UGT1A3: variants seen among roughly 807,000 people sequenced by gnomAD.
UGT1A3 encodes UDP-glucuronosyltransferase 1A3.
Under a neutral mutation model 41.0 loss-of-function variants are expected in UGT1A3, and 31 were observed. The observed-to-expected ratio is 0.76, with a 90% confidence interval of 0.57 to 1.02. The LOEUF (loss-of-function observed/expected upper bound fraction) is 1.02. Ranked by LOEUF, UGT1A3 falls within the 50% of genes least tolerant of loss-of-function variation. UGT1A3 has a pLI of 0.00. For missense variants in UGT1A3, 737 were observed against 671.0 expected (o/e 1.10, Z -1.09); for synonymous variants, 262 against 257.6 (o/e 1.02, Z -0.17).
intron 1 of UGT1A3, chr2:233,760,455 A>T (rs2125984333): frequency 6.2e-7 from 1 of 1,614,200 alleles, no homozygotes; most frequent in Non-Finnish European, 8.5e-7. Context: ...GGGGACATGA[A>T]ATAGTTGTCC....
intron 1 of UGT1A3, chr2:233,747,294 G>A (rs1361092863): frequency 6.2e-7 from 1 of 1,601,846 alleles, no homozygotes; most frequent in African/African-American, 1.3e-5. Flanking sequence ...CCTGGGCTGA[G>A]AGTGGGAAGG....
chr2:233,738,966 A>C (rs185032908), intron 1 of UGT1A3: 1 of 152,340 alleles, frequency 6.6e-6, no homozygotes, highest in Non-Finnish European at 1.5e-5. Context: ...CCAGGCCCCC[A>C]CTGCTGTGTG....
intron 1 of UGT1A3, among the ~76,000 whole-genome samples, chr2:233,759,532 G>GTTC (rs994787528): frequency 5.4e-4 from 82 of 152,192 alleles, no homozygotes; most frequent in African/African-American, 1.9e-3. Flanking sequence ...GAAGACTTCT[G>GTTC]TTCACATGCG....
chr2:233,729,603 A>G lies in UGT1A3; in HGVS notation c.477A>G (p.Ala159=), dbSNP rs7574296. 0.46 allele frequency: 749,893 copies of G among 1,613,688 alleles called. 180,593 individuals are homozygous for G. Among genetic ancestry groups the G allele is most frequent in the African/African-American group, 0.76 (57,091 of 74,900 alleles). Residue 159 remains alanine, a synonymous_variant, in exon 1 of 5, where the codon GCA becomes GCG. Transcript: ENST00000482026. ...VLTDPVNLCA[A]VLAKYLSIPT... ...CAGACCCCGTTAACCTCTGCGCGGC[A>G]GTGCTGGCTAAGTACCTGTCGATTC...
chr2:233,761,152 G>A lies in UGT1A3; in HGVS notation c.868-5882G>A, dbSNP rs587776764. On this transcript the variant is annotated intron_variant, in intron 1 of 4. Transcript: ENST00000482026. Reference sequence around the variant, plus strand: ...CCTTCACCAAAATCCACTATCCCAGGTGTGTATTGGAGTGGGACTTTTACA... The same window carrying A: ...CCTTCACCAAAATCCACTATCCCAGATGTGTATTGGAGTGGGACTTTTACA... The A allele has an allele frequency of 1.2e-6, 2 of 1,614,084 alleles. No individual in the cohort carries two copies. Among genetic ancestry groups the A allele is most frequent in the South Asian group, 2.2e-5 (2 of 91,086 alleles).
At chr2:233,758,574 A>G (rs1051442664) in intron 1 of UGT1A3, among the ~76,000 whole-genome samples, 1 of 152,190 alleles carries the variant, frequency 6.6e-6, no homozygotes, top group Non-Finnish European at 1.5e-5. Flanking sequence ...CTAAAAAATG[A>G]AGAGTGTTTG....
At chr2:233,755,166 T>C in intron 1 of UGT1A3, 2 of 1,275,566 alleles carry the variant, frequency 1.6e-6, no homozygotes, top group Non-Finnish European at 2.1e-6. Context: ...GTCCTCGGGG[T>C]TTTTGTCGGG....
In UGT1A3 at chr2:233,756,891, T is replaced by C. The variant is rs11568316; in HGVS notation, c.868-10143T>C. ...TATTAGGTGTAATGAGGATGTGTTA[T>C]CTCACCAGAACAAACTTCTGAGTTT... On this transcript the variant is annotated intron_variant, in intron 1 of 4. Coordinates refer to ENST00000482026, the MANE Select transcript of UGT1A3 (RefSeq NM_019093.4). 4.5e-3 allele frequency among the ~76,000 whole-genome samples: 679 copies of C among 152,202 alleles called. 6 individuals carry two copies. Among genetic ancestry groups the C allele is most frequent in the African/African-American group, 0.016 (644 of 41,534 alleles).
At chr2:233,743,354 T>C in intron 1 of UGT1A3, 1 of 972,108 alleles carries the variant, frequency 1.0e-6, no homozygotes, top group Non-Finnish European at 1.5e-6. Context: ...GACATGGACT[T>C]GAAGCTGCCT....
chr2:233,749,312 T>A (rs900685168), intron 1 of UGT1A3, among the ~76,000 whole-genome samples: 1 of 151,978 alleles, frequency 6.6e-6, no homozygotes, highest in African/African-American at 2.4e-5. Context: ...TATGTGTTTA[T>A]TAGATTTGTA....
At chr2:233,770,790 G>GAT (rs1474818165) in intron 4 of UGT1A3, 3 of 152,110 alleles carry the variant, frequency 2.0e-5, no homozygotes, top group African/African-American at 7.2e-5. Context: ...TAACATTATA[G>GAT]ATATGTTTAA....
intron 1 of UGT1A3, chr2:233,755,155 T>G (rs921927491): frequency 2.3e-6 from 3 of 1,293,388 alleles, no homozygotes; most frequent in Non-Finnish European, 2.1e-6. Flanking sequence ...GCTTCCTCCC[T>G]GTCCTCGGGG....
At chr2:233,748,671 T>A (rs1418795120) in intron 1 of UGT1A3, among the ~76,000 whole-genome samples, 1 of 151,594 alleles carries the variant, frequency 6.6e-6, no homozygotes, top group Non-Finnish European at 1.5e-5. Flanking sequence ...CAGAGAGGGA[T>A]CTGTGCTGAC....
chr2:233,737,724 T>C (rs2078915957), intron 1 of UGT1A3, among the ~76,000 whole-genome samples: 1 of 152,142 alleles, frequency 6.6e-6, no homozygotes, highest in South Asian at 2.1e-4. Flanking sequence ...ACACCTCCTT[T>C]TTTTTTCCTT....
chr2:233,756,486 T>G (rs1239866709), intron 1 of UGT1A3: 1 of 152,220 alleles, frequency 6.6e-6, no homozygotes, highest in East Asian at 1.9e-4. Context: ...TCTGCAGATG[T>G]GAAGCCCAAG....
intron 1 of UGT1A3, among the ~76,000 whole-genome samples, chr2:233,731,284 C>CT (rs78127606): frequency 0.055 from 7,668 of 139,746 alleles, 279 homozygotes; most frequent in African/African-American, 0.086. Flanking sequence ...GTTTTTCTTT[C>CT]TTTTTTTTTT....
In UGT1A3 at chr2:233,729,871, C is replaced by G. The variant is rs752223675; in HGVS notation, c.745C>G (p.Leu249Val). Residue 249 changes from leucine to valine, a missense_variant, in exon 1 of 5, where the codon CTC becomes GTC. Physicochemically the swap from Leu to Val is conservative, Grantham distance 32 (BLOSUM62 1). Coordinates refer to ENST00000482026, the MANE Select transcript of UGT1A3 (RefSeq NM_019093.4). ...FQREVSVVDI[L>V]SHASVWLFRG... Reference sequence around the variant, plus strand: ...GAGAGAGGTGTCAGTGGTGGATATTCTCAGTCATGCATCTGTGTGGCTGTT... The same window carrying G: ...GAGAGAGGTGTCAGTGGTGGATATTGTCAGTCATGCATCTGTGTGGCTGTT... The G allele has an allele frequency of 1.5e-5, 25 of 1,613,730 alleles. No homozygotes were observed. Among genetic ancestry groups the G allele is most frequent in the African/African-American group, 4.0e-5 (3 of 74,882 alleles).
intron 1 of UGT1A3, among the ~76,000 whole-genome samples, chr2:233,753,843 T>A (rs529676681): frequency 6.6e-6 from 1 of 152,338 alleles, no homozygotes; most frequent in South Asian, 2.1e-4. Flanking sequence ...TCCTAGTATA[T>A]CATTGACCAA....
chr2:233,733,382 G>A (rs1164801978), intron 1 of UGT1A3, among the ~76,000 whole-genome samples: 3 of 152,128 alleles, frequency 2.0e-5, no homozygotes, highest in African/African-American at 7.2e-5. Context: ...TCCTTGTTTT[G>A]TGCCAGTTTT....
Sources: allele counts gnomAD v4.1 joint callset (sites outside exome capture counted in the v4.1 genomes callset), GRCh38; gene constraint gnomAD v4.1.1; transcripts MANE v1.5; gene names NCBI Gene and HGNC (gene_info 2026-07-23, HGNC 2026-07-21).